Variants in LRATD1 observed in about 807,000 individuals in gnomAD.
The protein encoded by LRATD1 is protein LRATD1.
A neutral mutation model predicts 21.3 loss-of-function variants in LRATD1; 8 were observed. The ratio of observed to expected loss-of-function variants is 0.38; its 90% CI spans 0.22 to 0.68. The LOEUF (loss-of-function observed/expected upper bound fraction) is 0.68, where lower values mean the gene tolerates loss of function less well. LRATD1 is among the 30% of genes least tolerant of loss of function. LRATD1 has a pLI of 0.54. For missense variants in LRATD1, 380 were observed against 404.0 expected (o/e 0.94, Z 0.51); for synonymous variants, 210 against 186.2 (o/e 1.13, Z -1.04).
In LRATD1 at chr2:14,634,153, C is replaced by T. The variant is rs1328350800; in HGVS notation, c.174C>T (p.Pro58=). ...CCGACAAGTTTGGCGTGAAGGCCCC[C>T]CCGGGTTGCACCCCCTGCCCGGAGA... is the stretch of plus-strand genomic sequence containing the variant. ...GQPDKFGVKA[P]PGCTPCPESP... is the part of the protein sequence containing the mutation. Residue 58 remains proline (P), a synonymous_variant, in exon 2 of 2, where the codon CCC becomes CCT. Coordinates refer to ENST00000295092, the MANE Select transcript of LRATD1 (RefSeq NM_145175.4). The T allele has an allele frequency of 1.9e-6, 3 of 1,613,970 alleles. No homozygotes were observed. The highest frequency in any genetic ancestry group is 1.3e-5 in the African/African-American group (1 of 75,074).
In LRATD1 at chr2:14,633,254, C is replaced by G. The variant is rs979107051; in HGVS notation, c.-37+317C>G. ...AGGTGTGCCCGGGTGCTTGGGCGTA[C>G]GTGCAACGGCGAGCGTGCAAGCGTG... On this transcript the variant is annotated intron_variant, in intron 1 of 1. Transcript: ENST00000295092. The surrounding 1 kb of genome is among the most constrained non-coding windows in gnomAD (Gnocchi z 7.5). Among the ~76,000 whole-genome samples, 1 of 152,156 alleles carries G rather than the reference C, an allele frequency of 6.6e-6. No individual in the cohort carries two copies. The highest frequency in any genetic ancestry group is 2.4e-5 in the African/African-American group (1 of 41,442).
rs1671719899 is a variant in LRATD1, at chr2:14,637,743, C to T, written c.*2885C>T. Reference sequence around the variant, plus strand: ...TACTTTTAGGGCACTGTTAACAATGCGAGTGAAACCAAGATGGTGCAAGTT... The same window carrying T: ...TACTTTTAGGGCACTGTTAACAATGTGAGTGAAACCAAGATGGTGCAAGTT... On this transcript the variant is annotated 3_prime_UTR_variant, in exon 2 of 2. Transcript: ENST00000295092. 6.0e-6 allele frequency: 1 copy of T among 166,976 alleles called. No homozygotes were observed. The highest frequency in any genetic ancestry group is 1.5e-5 in the Non-Finnish European group (1 of 68,106). 10.3% of individuals were successfully genotyped at this position (166,976 alleles called of 1,614,324 possible).
intron 4 of LRATD1, among the ~76,000 whole-genome samples, chr2:14,647,345 T>G (rs553901143): frequency 2.1e-4 from 32 of 152,238 alleles, no homozygotes; most frequent in African/African-American, 5.8e-4. Flanking sequence ...TAGCTGAATT[T>G]CAGACATGAA....
At chr2:14,644,595 T>C (rs1223039282), downstream of LRATD1, among the ~76,000 whole-genome samples, 1 of 152,156 alleles carries the variant, frequency 6.6e-6, no homozygotes, top group African/African-American at 2.4e-5. Flanking sequence ...AGTGTATACT[T>C]GTAGACATGG....
chr2:14,635,106 G>C lies in LRATD1; in HGVS notation c.*248G>C. 1.4e-6 allele frequency: 1 copy of C among 711,298 alleles called. No homozygotes were observed. The highest frequency in any genetic ancestry group is 2.6e-6 in the Non-Finnish European group (1 of 384,638). The allele number at this position is 711,298 out of a possible 1,614,324, so 44.1% of individuals were successfully genotyped here. A position where few individuals can be genotyped will look rare whatever the true frequency, so the allele number is the denominator to read the frequency against. On this transcript the variant is annotated 3_prime_UTR_variant, in exon 2 of 2. Coordinates refer to ENST00000295092, the MANE Select transcript of LRATD1 (RefSeq NM_145175.4). Reference sequence around the variant, plus strand: ...GCTGACAGCCACAGCGGTGGTGACGGTGCTGGGAGACCCCGCGTGCGCTTT... The same window carrying C: ...GCTGACAGCCACAGCGGTGGTGACGCTGCTGGGAGACCCCGCGTGCGCTTT...
rs999575175 is a variant in LRATD1, at chr2:14,635,535, T to C, written c.*677T>C. 4.2e-6 allele frequency: 2 copies of C among 471,032 alleles called. No homozygotes were observed. The highest frequency in any genetic ancestry group is 8.8e-6 in the Non-Finnish European group (2 of 227,066). 29.2% of individuals were successfully genotyped at this position (471,032 alleles called of 1,614,324 possible). Reference sequence around the variant, plus strand: ...CAGACAGTGTTTGCCTCCGGTTCTTTCCACCGTGGGAAGCGAACGCCACCC... The same window carrying C: ...CAGACAGTGTTTGCCTCCGGTTCTTCCCACCGTGGGAAGCGAACGCCACCC... On this transcript the variant is annotated 3_prime_UTR_variant, in exon 2 of 2. Transcript: ENST00000295092.
chr2:14,644,976 T>C (rs1671870314), downstream of LRATD1, among the ~76,000 whole-genome samples: 1 of 152,200 alleles, frequency 6.6e-6, no homozygotes, highest in Non-Finnish European at 1.5e-5. Context: ...AAAAAAATGG[T>C]ATTGGCTCAC....
chr2:14,647,632 G>A (rs1174599653), intron 4 of LRATD1, among the ~76,000 whole-genome samples: 1 of 152,020 alleles, frequency 6.6e-6, no homozygotes, highest in East Asian at 1.9e-4. Context: ...TTAAGACCTT[G>A]CTTTTTCTCT....
At position 14,637,153 on chromosome 2, in the gene LRATD1, C is replaced by T. The variant is rs1671706749; in HGVS notation, c.*2295C>T. The stretch of plus-strand genomic sequence containing the variant: ...ATGAATTCTTTATTGTATCTACACA[C>T]TCCACATTCTTTACTGTGTCCTACT... On this transcript the variant is annotated 3_prime_UTR_variant, in exon 2 of 2. Transcript: ENST00000295092. 1 of 167,048 alleles carries T rather than the reference C, an allele frequency of 6.0e-6. No homozygotes were observed. Among genetic ancestry groups the T allele is most frequent in the Admixed American group, 6.5e-5 (1 of 15,292 alleles). The allele number at this position is 167,048 out of a possible 1,614,324, so 10.3% of individuals were successfully genotyped here. A position where few individuals can be genotyped will look rare whatever the true frequency, so the allele number is the denominator to read the frequency against.
chr2:14,643,994 C>T (rs1181526841), downstream of LRATD1, among the ~76,000 whole-genome samples: 1 of 152,092 alleles, frequency 6.6e-6, no homozygotes, highest in Non-Finnish European at 1.5e-5. Context: ...TAATTTAATT[C>T]AAAAACAACT....
rs1008414468 is a variant in LRATD1 at position 14,637,597 on chromosome 2, T to C, written c.*2739T>C. ...TCTCCTATCCCTGTTAAAATTATCA[T>C]TTATTATCTCTTTGTCAGTGTTAGT... is the stretch of plus-strand genomic sequence containing the variant. On this transcript the variant is annotated 3_prime_UTR_variant, in exon 2 of 2. Transcript: ENST00000295092. The C allele has an allele frequency of 1.2e-5, 2 of 167,100 alleles. No individual in the cohort carries two copies. The highest frequency in any genetic ancestry group is 2.9e-5 in the Non-Finnish European group (2 of 68,120). 10.4% of individuals were successfully genotyped at this position (167,100 alleles called of 1,614,324 possible).
downstream of LRATD1, among the ~76,000 whole-genome samples, chr2:14,651,312 C>T (rs890736809): frequency 6.6e-6 from 1 of 152,088 alleles, no homozygotes; most frequent in African/African-American, 2.4e-5. Flanking sequence ...TGCTATACTT[C>T]TCTTAACTAG....
chr2:14,634,393 C>A lies in LRATD1; in HGVS notation c.414C>A (p.Pro138=). Residue 138 remains proline, a synonymous_variant, in exon 2 of 2, where the codon CCC becomes CCA. Transcript: ENST00000295092. ...LLWLQPAPEP[P]APAPHWAVYV... is the part of the protein sequence containing the mutation. ...GGCTGCAGCCCGCGCCGGAGCCGCC[C>A]GCGCCCGCCCCGCACTGGGCCGTCT... 6.5e-7 allele frequency: 1 copy of A among 1,539,660 alleles called. No individual in the cohort carries two copies. The highest frequency in any genetic ancestry group is 8.7e-7 in the Non-Finnish European group (1 of 1,146,538).
Position 14,638,048 on chromosome 2 carries a change from A to T in LRATD1, c.*3190A>T, listed in dbSNP as rs1558255863. 6.0e-6 allele frequency: 1 copy of T among 166,934 alleles called. No individual in the cohort carries two copies. The highest frequency in any genetic ancestry group is 1.5e-5 in the Non-Finnish European group (1 of 68,084). The allele number at this position is 166,934 out of a possible 1,614,324, so 10.3% of individuals were successfully genotyped here. On this transcript the variant is annotated 3_prime_UTR_variant, in exon 2 of 2. Transcript: ENST00000295092. ...TTCTTTCTCAACTTTCAGGTAAAACAAACTATGATTTAAAAAAAGAAAAAA... is the reference window on the plus strand; with the variant it reads ...TTCTTTCTCAACTTTCAGGTAAAACTAACTATGATTTAAAAAAAGAAAAAA...
intron 4 of LRATD1, among the ~76,000 whole-genome samples, chr2:14,647,405 C>A (rs1318441337): frequency 2.0e-5 from 3 of 152,006 alleles, no homozygotes; most frequent in African/African-American, 7.2e-5. Context: ...AAAATTTTAT[C>A]CAAATAGAGG....
At chr2:14,651,817 T>C (rs745757889), downstream of LRATD1, among the ~76,000 whole-genome samples, 14 of 152,002 alleles carry the variant, frequency 9.2e-5, no homozygotes, top group Admixed American at 3.3e-4. Flanking sequence ...GAAAATCTTG[T>C]GGTTTTGTTT....
chr2:14,634,328 C>T lies in LRATD1; in HGVS notation c.349C>T (p.Pro117Ser), dbSNP rs1671628888. Residue 117 changes from proline to serine, a missense_variant, in exon 2 of 2, where the codon CCA becomes TCA. Coordinates refer to ENST00000295092, the MANE Select transcript of LRATD1 (RefSeq NM_145175.4). ...DLSVYAVTAL[P>S]ALCEPGDLLE... is the part of the protein sequence containing the mutation. ...AAGCGTCTACGCGGTCACCGCGCTG[C>T]CAGCGCTCTGCGAACCCGGCGACCT... 2.5e-6 allele frequency: 4 copies of T among 1,591,954 alleles called. No homozygotes were observed. The highest frequency in any genetic ancestry group is 1.3e-5 in the African/African-American group (1 of 74,850).
rs969933612 is a variant in LRATD1 at position 14,636,870 on chromosome 2, T to C, written c.*2012T>C. On this transcript the variant is annotated 3_prime_UTR_variant, in exon 2 of 2. Transcript: ENST00000295092. Reference sequence around the variant, plus strand: ...ATTTTTCTTTCTTTTTCTTTTTTTTTCTTTGGTTTTCATCCTGGATTCATC... The same window carrying C: ...ATTTTTCTTTCTTTTTCTTTTTTTTCCTTTGGTTTTCATCCTGGATTCATC... 8 of 167,226 alleles carry C rather than the reference T, an allele frequency of 4.8e-5. No homozygotes were observed. The highest frequency in any genetic ancestry group is 1.2e-4 in the African/African-American group (5 of 41,586). 10.4% of individuals were successfully genotyped at this position (167,226 alleles called of 1,614,324 possible).
At chr2:14,650,612 C>T (rs1671989458), downstream of LRATD1, 1 of 152,080 alleles carries the variant, frequency 6.6e-6, no homozygotes, top group Non-Finnish European at 1.5e-5. Context: ...CAATTTTATG[C>T]CATACATTTT....
Sources: gnomAD v4.1 joint callset for allele counts (sites outside exome capture counted in the v4.1 genomes callset) on GRCh38, gnomAD v4.1.1 for gene constraint, Gnocchi (gnomAD v3.1) non-coding constraint, MANE v1.5 for transcripts, NCBI Gene and HGNC (gene_info 2026-07-23, HGNC 2026-07-21) for gene names.